DNAH1: variants seen among roughly 807,000 people sequenced by gnomAD.
DNAH1 encodes axonemal beta dynein heavy chain 1.
Under a neutral mutation model 484.3 loss-of-function variants are expected in DNAH1, and 327 were observed. The ratio of observed to expected loss-of-function variants is 0.68; its 90% confidence interval spans 0.62 to 0.74. The LOEUF is 0.74. Ranked by LOEUF, DNAH1 falls within the 30% of genes least tolerant of loss-of-function variation. The pLI, the probability that DNAH1 is intolerant of heterozygous loss-of-function variation, is 0.00. For missense variants in DNAH1, 5,052 were observed against 5,546.8 expected, an observed-to-expected ratio of 0.91 and a Z score of 2.83; for synonymous variants, 2,192 against 2,191.9, an observed-to-expected ratio of 1.00 and a Z score of 0.00.
At position 52,392,877 on chromosome 3, in the gene DNAH1, G is replaced by A. The variant is rs759239789; in HGVS notation, c.10326G>A (p.Thr3442=). Residue 3442 remains threonine (T), a synonymous_variant, in exon 65 of 78, where the codon ACG becomes ACA. Coordinates refer to ENST00000420323, the MANE Select transcript of DNAH1 (RefSeq NM_015512.5). The part of the protein sequence containing the change: ...AEQTEKDIDL[T]RMEYIPVAIR... Reference sequence around the variant, plus strand: ...AGACGGAGAAGGACATCGACCTGACGCGCATGGAGTACATACCCGTGGCCA... The same window carrying A: ...AGACGGAGAAGGACATCGACCTGACACGCATGGAGTACATACCCGTGGCCA... 2.9e-5 allele frequency: 46 copies of A among 1,607,164 alleles called. No homozygotes were observed. The highest frequency in any genetic ancestry group is 4.4e-5 in the South Asian group (4 of 90,860).
Position 52,381,133 on chromosome 3 carries a change from C to T in DNAH1, c.7609-507C>T, listed in dbSNP as rs1402966305. On this transcript the variant is annotated intron_variant, in intron 48 of 77. Coordinates refer to ENST00000420323, the MANE Select transcript of DNAH1 (RefSeq NM_015512.5). The surrounding 1 kb of genome is among the most constrained non-coding windows in gnomAD (Gnocchi z 4.1). ...TGTGTGTGTATGTGACTGGGTCTTG[C>T]TCCATCACCTAGGCTGGAGGGCAGT... Among the ~76,000 whole-genome samples, 1 of 152,094 alleles carries T rather than the reference C, an allele frequency of 6.6e-6. No individual in the cohort carries two copies. Among genetic ancestry groups the T allele is most frequent in the African/African-American group, 2.4e-5 (1 of 41,402 alleles).
chr3:52,335,083 A>G (rs1450216523), intron 8 of DNAH1, among the ~76,000 whole-genome samples: 1 of 147,908 alleles, frequency 6.8e-6, no homozygotes, highest in Admixed American at 6.8e-5. Context: ...TACAGGCATG[A>G]TCTATAAGCT....
At chr3:52,383,681 C>A in intron 51 of DNAH1, 87 bp downstream of exon 51, 2 of 1,443,516 alleles carry the variant, frequency 1.4e-6, no homozygotes, top group Non-Finnish European at 1.8e-6. Flanking sequence ...ATGCCATGCG[C>A]TGGGGCCTGA....
chr3:52,366,461 C>T lies in DNAH1; in HGVS notation c.5523C>T (p.Phe1841=), dbSNP rs1353134829. The T allele has an allele frequency of 1.3e-6, 2 of 1,593,812 alleles. No homozygotes were observed. Among genetic ancestry groups the T allele is most frequent in the Admixed American group, 1.7e-5 (1 of 57,560 alleles). The change falls in exon 35 of 78, where the codon TTC becomes TTT. Residue 1841 remains phenylalanine (F), a synonymous_variant. Coordinates refer to ENST00000420323, the MANE Select transcript of DNAH1 (RefSeq NM_015512.5). ...GCCCCATGCCATGTCCCCCAGGCTT[C>T]CTGACAAAGTGCATCCAGCTCTACG... ...RNSNLKDVEG[F]LTKCIQLYET... is the part of the protein sequence containing the mutation.
In DNAH1 at chr3:52,329,088, A is replaced by G. The variant is rs527601500; in HGVS notation, c.871+1074A>G. Among the ~76,000 whole-genome samples the G allele has an allele frequency of 3.3e-5, 5 of 152,380 alleles. No homozygotes were observed. The South Asian group carries it at 1.0e-3, about 32-fold the overall frequency. ...CTTTACTTTGGACTTAATTACAAAA[A>G]TAATTTAACTCAATTGTTCCCAGAT... On this transcript the variant is annotated intron_variant, in intron 6 of 77. Transcript: ENST00000420323.
intron 2 of DNAH1, among the ~76,000 whole-genome samples, chr3:52,323,016 G>A (rs771403216): frequency 4.9e-4 from 75 of 152,278 alleles, no homozygotes; most frequent in Admixed American, 8.5e-4. Flanking sequence ...CTCCTGCTGT[G>A]TGCCAGGCCC....
intron 8 of DNAH1, among the ~76,000 whole-genome samples, chr3:52,341,030 G>A (rs938555532): frequency 6.0e-5 from 9 of 151,238 alleles, no homozygotes; most frequent in African/African-American, 1.5e-4. Flanking sequence ...AATTTGAATC[G>A]ATATAGCCAC....
chr3:52,371,676 G>A (rs1371364251), intron 41 of DNAH1, among the ~76,000 whole-genome samples: 1 of 152,246 alleles, frequency 6.6e-6, no homozygotes, highest in African/African-American at 2.4e-5. Flanking sequence ...GCAGTCCTTA[G>A]GGAGCCCCCA....
At chr3:52,319,375 C>G (rs1701061944) in intron 1 of DNAH1, among the ~76,000 whole-genome samples, 1 of 152,220 alleles carries the variant, frequency 6.6e-6, no homozygotes, top group Non-Finnish European at 1.5e-5. Flanking sequence ...CTCTTGCTGG[C>G]TCTGTGACCT....
rs771567019 is a variant in DNAH1 at position 52,388,624 on chromosome 3, C to T, written c.9363+15C>T. The T allele has an allele frequency of 6.2e-7, 1 of 1,611,774 alleles. No individual in the cohort carries two copies. The highest frequency in any genetic ancestry group is 1.3e-5 in the African/African-American group (1 of 75,048). On this transcript the variant is annotated intron_variant, in intron 58 of 77. Coordinates refer to ENST00000420323, the MANE Select transcript of DNAH1 (RefSeq NM_015512.5). The stretch of plus-strand genomic sequence containing the variant: ...GAGCTGGCAAGGTGCGCACCCTCCT[C>T]CTGCAAGGCCTGCAAGCGGGCCCGG...
At chr3:52,347,065 C>A (rs1159643043) in intron 11 of DNAH1, among the ~76,000 whole-genome samples, 2 of 149,746 alleles carry the variant, frequency 1.3e-5, no homozygotes, top group African/African-American at 4.8e-5. Flanking sequence ...AGTCCCTGGT[C>A]TCATGGGAAA....
chr3:52,366,713 T>C lies in DNAH1; in HGVS notation c.5611-20T>C. On this transcript the variant is annotated intron_variant, in intron 35 of 77. Coordinates refer to ENST00000420323, the MANE Select transcript of DNAH1 (RefSeq NM_015512.5). ...GCCCTGCTCTCTGGGAGCCTCACTC[T>C]CAGGCGGTCCGTCTCCCAGTGTTAC... The C allele has an allele frequency of 6.3e-7, 1 of 1,598,368 alleles. No homozygotes were observed. The highest frequency in any genetic ancestry group is 8.6e-7 in the Non-Finnish European group (1 of 1,169,542).
chr3:52,331,118 G>T, intron 6 of DNAH1, 30 bp from the exon 7 acceptor site: 7 of 1,562,798 alleles, frequency 4.5e-6, no homozygotes, highest in Non-Finnish European at 6.1e-6. Context: ...ATGGCGGGGG[G>T]CACTGGTGGA....
At chr3:52,385,067 GCC>G (rs1704040581) in intron 53 of DNAH1, 90 bp downstream of exon 53, 2 of 1,426,694 alleles carry the variant, frequency 1.4e-6, no homozygotes, top group Non-Finnish European at 9.4e-7. Context: ...ACCATGCTCC[GCC>G]TTTCAAACTG....
chr3:52,336,401 A>C (rs1004307552), intron 8 of DNAH1, among the ~76,000 whole-genome samples: 2 of 152,118 alleles, frequency 1.3e-5, no homozygotes, highest in Admixed American at 6.5e-5. Context: ...AGAACATAAA[A>C]AAATTAGCCA....
Position 52,368,951 on chromosome 3 carries a change from C to T in DNAH1, c.5943+33C>T, listed in dbSNP as rs1377583452. The stretch of plus-strand genomic sequence containing the variant: ...TACCTGTCCACCTGCCCACTCTCCT[C>T]CAAGGCTGGGTGGGCCTGGAGGCTG... On this transcript the variant is annotated intron_variant, in intron 37 of 77. Coordinates refer to ENST00000420323, the MANE Select transcript of DNAH1 (RefSeq NM_015512.5). This position sits in a 1 kb window ranked among gnomAD's most constrained non-coding sequence, Gnocchi z 4.4. 6.2e-7 allele frequency: 1 copy of T among 1,603,886 alleles called. No homozygotes were observed. The highest frequency in any genetic ancestry group is 8.5e-7 in the Non-Finnish European group (1 of 1,171,736).
rs370783496 is a variant in DNAH1 at position 52,345,616 on chromosome 3, G to A, written c.1566G>A (p.Lys522=). ...GCAAGGTGAGGGCCGAGTGCAACAA[G>A]GTGACCGCCATGTCCCTGTTCCACT... ...ALSKVRAECN[K]VTAMSLFHSS... is the part of the protein sequence containing the mutation. The change falls in exon 10 of 78, where the codon AAG becomes AAA. Residue 522 remains lysine, a synonymous_variant. Coordinates refer to ENST00000420323, the MANE Select transcript of DNAH1 (RefSeq NM_015512.5). 2.5e-6 allele frequency: 4 copies of A among 1,608,796 alleles called. No individual in the cohort carries two copies. Among genetic ancestry groups the A allele is most frequent in the Non-Finnish European group, 3.4e-6 (4 of 1,177,550 alleles).
chr3:52,347,440 C>T (rs1578113615), intron 11 of DNAH1, among the ~76,000 whole-genome samples: 1 of 152,160 alleles, frequency 6.6e-6, no homozygotes, highest in East Asian at 1.9e-4. Context: ...ATTCTAAGTA[C>T]AGTCAGAAGC....
intron 18 of DNAH1, 131 bp downstream of exon 18, chr3:52,352,838 C>T (rs1702450962): frequency 7.3e-7 from 1 of 1,368,322 alleles, no homozygotes. Flanking sequence ...GTGGAGATAG[C>T]CCAACCCTGG....
Sources: gnomAD v4.1 joint callset for allele counts (sites outside exome capture counted in the v4.1 genomes callset) on GRCh38, gnomAD v4.1.1 for gene constraint, Gnocchi (gnomAD v3.1) non-coding constraint, MANE v1.5 for transcripts, NCBI Gene and HGNC (gene_info 2026-07-23, HGNC 2026-07-21) for gene names.